Variants in TXLNG observed in about 807,000 individuals in gnomAD.
TXLNG encodes taxilin gamma, also known as gamma-taxilin.
In TXLNG, 5 loss-of-function variants were observed where a neutral mutation model predicts 38.8. That is an observed-to-expected ratio of 0.13 (90% CI 0.07 to 0.27). The LOEUF (loss-of-function observed/expected upper bound fraction) is 0.27, where lower values mean the gene tolerates loss of function less well. Among genes scored for constraint, TXLNG ranks in the 10% least tolerant of loss-of-function variants. The pLI, the probability that TXLNG is intolerant of heterozygous loss-of-function variation, is 1.00. For synonymous variants in TXLNG, 182 were observed against 158.2 expected (o/e 1.15, Z -1.13); for missense variants, 393 against 398.2 (o/e 0.99, Z 0.11).
intron 4 of TXLNG, among the ~76,000 whole-genome samples, chrX:16,829,293 GAT>G (rs1929288057): frequency 8.9e-6 from 1 of 111,902 alleles, no homozygotes; most frequent in African/African-American, 3.3e-5. Context: ...CATCTAAGAT[GAT>G]GGCCTGTGTA....
At position 16,841,544 on chromosome X, in the gene TXLNG, G is replaced by C. The variant is rs138685768; in HGVS notation, c.1365G>C (p.Leu455=). 1,538 of 1,210,204 alleles carry C rather than the reference G, an allele frequency of 1.3e-3. 16 individuals carry two copies. The African/African-American group carries it at 0.022, about 17-fold the overall frequency. Residue 455 remains leucine, a synonymous_variant, in exon 10 of 10, where the codon CTG becomes CTC. Coordinates refer to ENST00000380122, the MANE Select transcript of TXLNG (RefSeq NM_018360.3). ...RNELNEKVEV[L]KEQVSIKAAI... ...AGCTCAATGAGAAGGTGGAAGTCCT[G>C]AAAGAGCAGGTATCCATCAAAGCGG...
At chrX:16,814,519 G>T (rs1449396885) in intron 1 of TXLNG, among the ~76,000 whole-genome samples, 1 of 112,186 alleles carries the variant, frequency 8.9e-6, no homozygotes, top group Non-Finnish European at 1.9e-5. Flanking sequence ...GGAGGCTGAG[G>T]CAGGAGAATC....
At chrX:16,832,898 T>C (rs1390934089) in intron 6 of TXLNG, among the ~76,000 whole-genome samples, 156 bp downstream of exon 6, 2 of 112,286 alleles carry the variant, frequency 1.8e-5, no homozygotes, top group Non-Finnish European at 3.8e-5. Flanking sequence ...TTGCTGTAGA[T>C]TGAGAAGAGA....
chrX:16,812,803 G>A (rs1726303626), intron 1 of TXLNG, among the ~76,000 whole-genome samples: 1 of 100,527 alleles, frequency 9.9e-6, no homozygotes, highest in African/African-American at 3.7e-5. Context: ...GCAGGTTCTA[G>A]TGATTCTCCT....
chrX:16,789,791 C>T (rs183128016), intron 1 of TXLNG, among the ~76,000 whole-genome samples: 1 of 107,405 alleles, frequency 9.3e-6, no homozygotes, highest in African/African-American at 3.4e-5. Context: ...ACCCTTTCCC[C>T]CTATTATTAT....
At chrX:16,793,379 G>T (rs758436108) in intron 1 of TXLNG, among the ~76,000 whole-genome samples, 8 of 111,250 alleles carry the variant, frequency 7.2e-5, no homozygotes, top group Admixed American at 4.8e-4. Flanking sequence ...ATTGCTTAGG[G>T]TGTTGATTTG....
chrX:16,826,174 GGT>G (rs1372906509), intron 3 of TXLNG, among the ~76,000 whole-genome samples: 2 of 111,879 alleles, frequency 1.8e-5, no homozygotes, highest in African/African-American at 6.5e-5. Flanking sequence ...TCTGCACCCT[GGT>G]GAAATTACAG....
chrX:16,815,667 A>C (rs1206899686), intron 1 of TXLNG, among the ~76,000 whole-genome samples: 2 of 111,141 alleles, frequency 1.8e-5, no homozygotes, highest in East Asian at 5.7e-4. Flanking sequence ...GATTACAGGC[A>C]TGCTCCACCA....
In TXLNG at chrX:16,819,000, C is replaced by T. The variant is rs761988221; in HGVS notation, c.406+123C>T. On this transcript the variant is annotated intron_variant, in intron 2 of 9. Coordinates refer to ENST00000380122, the MANE Select transcript of TXLNG (RefSeq NM_018360.3). ...GCTTAGCCAACACCCCTAGTGTCTT[C>T]GGTGAGGTCAGTCCATGTGTCTGCT... 1.1e-4 allele frequency: 77 copies of T among 696,214 alleles called. No individual in the cohort carries two copies. In the African/African-American group the frequency reaches 1.2e-3, roughly 11 times the overall value. The allele number at this position is 696,214 out of a possible 1,213,427, so 57.4% of individuals were successfully genotyped here.
rs187214984 is a variant in TXLNG, at chrX:16,839,003, C to T, written c.1153-818C>T. Reference sequence around the variant, plus strand: ...CACTGGCTCTGTCTTATCCTTGTTTCCCTTAACACCACCTGGCTCAATGCC... The same window carrying T: ...CACTGGCTCTGTCTTATCCTTGTTTTCCTTAACACCACCTGGCTCAATGCC... On this transcript the variant is annotated intron_variant, in intron 8 of 9. Transcript: ENST00000380122. 1.4e-4 allele frequency among the ~76,000 whole-genome samples: 16 copies of T among 111,986 alleles called. No individual in the cohort carries two copies. In the East Asian group the frequency reaches 4.2e-3, roughly 29 times the overall value.
intron 1 of TXLNG, among the ~76,000 whole-genome samples, chrX:16,793,349 A>C (rs1325720278): frequency 1.8e-5 from 2 of 111,702 alleles, no homozygotes; most frequent in Non-Finnish European, 3.8e-5. Context: ...TATGCTATCA[A>C]AATAATTGTA....
chrX:16,800,177 C>T (rs888737558), intron 1 of TXLNG, among the ~76,000 whole-genome samples: 1 of 112,038 alleles, frequency 8.9e-6, no homozygotes, highest in Admixed American at 9.5e-5. Flanking sequence ...TGACCTCAGG[C>T]GATCCACCCA....
chrX:16,786,610 CGTT>C (rs1326700152), intron 1 of TXLNG, 21 bp downstream of exon 1: 3 of 1,014,428 alleles, frequency 3.0e-6, no homozygotes, highest in Admixed American at 4.7e-5. Context: ...GGGACGCCCT[CGTT>C]GTTGTCGGGC....
At chrX:16,791,248 A>C (rs1349721994) in intron 1 of TXLNG, among the ~76,000 whole-genome samples, 1 of 112,024 alleles carries the variant, frequency 8.9e-6, no homozygotes, top group Non-Finnish European at 1.9e-5. Flanking sequence ...AATGAGGAGA[A>C]ATCAGGTCAG....
intron 5 of TXLNG, among the ~76,000 whole-genome samples, chrX:16,831,792 C>T (rs776507333): frequency 1.8e-5 from 2 of 111,766 alleles, no homozygotes; most frequent in East Asian, 5.6e-4. Context: ...AAATTACTTG[C>T]AGGCGCTCTC....
At chrX:16,809,150 C>T (rs1309110420) in intron 1 of TXLNG, among the ~76,000 whole-genome samples, 5 of 110,319 alleles carry the variant, frequency 4.5e-5, no homozygotes, top group Non-Finnish European at 9.5e-5. Context: ...AACTGAAATC[C>T]CCATCAAGAT....
At chrX:16,840,990 A>T (rs1261176252) in intron 9 of TXLNG, among the ~76,000 whole-genome samples, 3 of 110,934 alleles carry the variant, frequency 2.7e-5, no homozygotes, top group South Asian at 3.8e-4. Context: ...AGGTCAGGAA[A>T]TCAAGACCAT....
chrX:16,841,065 C>G (rs186508262), intron 9 of TXLNG, among the ~76,000 whole-genome samples: 1 of 109,513 alleles, frequency 9.1e-6, no homozygotes, highest in Non-Finnish European at 1.9e-5. Context: ...CGTGGTGGGG[C>G]GCGCCTGTAG....
chrX:16,841,256 C>T (rs901318784), intron 9 of TXLNG, among the ~76,000 whole-genome samples, 172 bp from the exon 10 acceptor site: 1 of 111,019 alleles, frequency 9.0e-6, no homozygotes, highest in Non-Finnish European at 1.9e-5. Flanking sequence ...TGCTAAATCT[C>T]ATTCGGTATA....
Sources: gnomAD v4.1 joint callset for allele counts (sites outside exome capture counted in the v4.1 genomes callset) on GRCh38, gnomAD v4.1.1 for gene constraint, MANE v1.5 for transcripts, NCBI Gene and HGNC (gene_info 2026-07-23, HGNC 2026-07-21) for gene names.